The following TRIM51G variants were observed in gnomAD, a reference collection of about 807,000 sequenced individuals.
The protein encoded by TRIM51G is tripartite motif-containing protein 51G.
At chr11:48,977,557 T>C in the TRIM51G span, among the ~76,000 whole-genome samples, 19 of 152,170 alleles carry the variant, frequency 1.2e-4, no homozygotes, top group Non-Finnish European at 2.2e-4. Context: ...TGCTTCCTTC[T>C]CAAGGCCAGG....
chr11:48,982,421 A>G, the TRIM51G span, among the ~76,000 whole-genome samples: 6 of 152,234 alleles, frequency 3.9e-5, no homozygotes, highest in African/African-American at 1.2e-4. Flanking sequence ...ACTGGATTAA[A>G]TAATACATGG....
chr11:48,976,006 A>G, the TRIM51G span: 3 of 580,636 alleles, frequency 5.2e-6, no homozygotes, highest in Non-Finnish European at 9.7e-6. Flanking sequence ...AACTGCAAAA[A>G]TAATTTTAAA....
the TRIM51G span, among the ~76,000 whole-genome samples, chr11:48,979,970 A>T: frequency 6.6e-6 from 1 of 151,530 alleles, no homozygotes; most frequent in African/African-American, 2.4e-5. Flanking sequence ...CCTATTTAAA[A>T]CTCAAACCCT....
chr11:48,979,419 T>C, the TRIM51G span, among the ~76,000 whole-genome samples: 3 of 152,168 alleles, frequency 2.0e-5, no homozygotes, highest in African/African-American at 7.2e-5. Context: ...GCTGACTAGG[T>C]AAGAAACCAT....
chr11:48,977,193 A>G, the TRIM51G span: 1 of 1,179,154 alleles, frequency 8.5e-7, no homozygotes, highest in Non-Finnish European at 1.3e-6. Context: ...CTGCAAGGAG[A>G]AAGATAGAGT....
At chr11:48,976,549 CTCT>C in the TRIM51G span, among the ~76,000 whole-genome samples, 8 of 152,098 alleles carry the variant, frequency 5.3e-5, no homozygotes, top group African/African-American at 1.9e-4. Flanking sequence ...TTACACGTAG[CTCT>C]TCATGTTGTA....
the TRIM51G span, chr11:48,979,214 T>C: frequency 5.3e-6 from 3 of 566,080 alleles, no homozygotes; most frequent in Non-Finnish European, 1.0e-5. Context: ...TCTTGTCAAT[T>C]CTCAGATTCC....
At chr11:48,981,818 C>G in the TRIM51G span, 3 of 1,045,478 alleles carry the variant, frequency 2.9e-6, no homozygotes, top group East Asian at 2.4e-5. Flanking sequence ...GCGGAACAAA[C>G]TATTTCCTCT....
the TRIM51G span, chr11:48,975,620 G>T: frequency 7.1e-7 from 1 of 1,401,334 alleles, no homozygotes; most frequent in South Asian, 1.2e-5. Flanking sequence ...TCACAATCCA[G>T]GAATAATCCT....
At chr11:48,981,797 T>C in the TRIM51G span, 12 of 1,266,752 alleles carry the variant, frequency 9.5e-6, no homozygotes, top group Non-Finnish European at 9.0e-6. Flanking sequence ...CTCTTGACAG[T>C]GCTCATTAAA....
chr11:48,975,737 C>A, the TRIM51G span: 1 of 1,567,760 alleles, frequency 6.4e-7, no homozygotes, highest in Admixed American at 1.7e-5. Flanking sequence ...AGTCCCACCT[C>A]TCCATCTATC....
chr11:48,979,258 A>G, the TRIM51G span, among the ~76,000 whole-genome samples: 4,034 of 152,234 alleles, frequency 0.026, 176 homozygotes, highest in African/African-American at 0.092. Flanking sequence ...CTGTATTAAT[A>G]TCAACATAGT....
chr11:48,982,252 A>T, the TRIM51G span, among the ~76,000 whole-genome samples: 1 of 152,158 alleles, frequency 6.6e-6, no homozygotes, highest in African/African-American at 2.4e-5. Flanking sequence ...CTAGGAGATA[A>T]AATAAATAAT....
At chr11:48,975,902 G>A in the TRIM51G span, 1 of 792,012 alleles carries the variant, frequency 1.3e-6, no homozygotes, top group South Asian at 1.3e-5. Flanking sequence ...GTGATATTGG[G>A]ATCATGTTGA....
chr11:48,979,285 T>C, the TRIM51G span, among the ~76,000 whole-genome samples: 11 of 152,190 alleles, frequency 7.2e-5, no homozygotes, highest in African/African-American at 2.7e-4. Flanking sequence ...TGCCCAGTTA[T>C]ATTTACTTGA....
chr11:48,976,460 G>C, the TRIM51G span, among the ~76,000 whole-genome samples: 1 of 152,062 alleles, frequency 6.6e-6, no homozygotes, highest in South Asian at 2.1e-4. Flanking sequence ...GGTAACTTAA[G>C]GCAGATTTTT....
the TRIM51G span, among the ~76,000 whole-genome samples, chr11:48,977,373 T>A: frequency 6.6e-6 from 1 of 152,196 alleles, no homozygotes; most frequent in Admixed American, 6.5e-5. Flanking sequence ...GAAAAGTCTA[T>A]CTGACTGAGA....
chr11:48,978,212 T>G, the TRIM51G span: 4 of 530,050 alleles, frequency 7.5e-6, no homozygotes, highest in South Asian at 5.6e-5. Flanking sequence ...CATCTTCAAC[T>G]AAGTTCATTG....
the TRIM51G span, among the ~76,000 whole-genome samples, chr11:48,981,861 A>G: frequency 6.6e-6 from 1 of 152,156 alleles, no homozygotes; most frequent in Admixed American, 6.5e-5. Context: ...ACACAAAGAG[A>G]GTCTTAAGGC....
Sources: gnomAD v4.1 joint callset for allele counts (sites outside exome capture counted in the v4.1 genomes callset) on GRCh38, gnomAD v4.1.1 for gene constraint, MANE v1.5 for transcripts, NCBI Gene and HGNC (gene_info 2026-07-23, HGNC 2026-07-21) for gene names.